Variants in PIK3R1 observed in about 807,000 individuals in gnomAD.
PIK3R1 encodes phosphatidylinositol 3-kinase regulatory subunit alpha.
A neutral mutation model predicts 98.0 loss-of-function variants in PIK3R1; 29 were observed. The ratio of observed to expected loss-of-function variants is 0.30; its 90% CI spans 0.22 to 0.40. The LOEUF is 0.40. Ranked by LOEUF, PIK3R1 falls within the 10% of genes least tolerant of loss-of-function variation. PIK3R1 has a pLI of 1.00. For synonymous variants in PIK3R1, 282 were observed against 311.8 expected (o/e 0.90, Z 1.01); for missense variants, 596 against 872.7 (o/e 0.68, Z 3.99).
chr5:68,240,539 A>G (rs753672736), intron 2 of PIK3R1, among the ~76,000 whole-genome samples: 4 of 152,224 alleles, frequency 2.6e-5, no homozygotes, highest in Admixed American at 6.5e-5. Flanking sequence ...TTGGCCCTCA[A>G]TAAGGAAAAC....
intron 2 of PIK3R1, among the ~76,000 whole-genome samples, chr5:68,249,807 T>TA (rs1370555398): frequency 6.6e-6 from 1 of 152,168 alleles, no homozygotes; most frequent in Non-Finnish European, 1.5e-5. Context: ...CTCAGTCACG[T>TA]AGCCATTTGA....
intron 2 of PIK3R1, among the ~76,000 whole-genome samples, chr5:68,270,544 A>C (rs901785541): frequency 6.6e-6 from 1 of 152,196 alleles, no homozygotes; most frequent in African/African-American, 2.4e-5. Context: ...TAATTAAAAA[A>C]ATGCCTGTGT....
intron 2 of PIK3R1, among the ~76,000 whole-genome samples, chr5:68,228,100 G>A (rs553227489): frequency 6.6e-6 from 1 of 152,310 alleles, no homozygotes; most frequent in African/African-American, 2.4e-5. Flanking sequence ...GGAATGGGAA[G>A]GAATGGTTTA....
intron 2 of PIK3R1, among the ~76,000 whole-genome samples, chr5:68,236,309 G>T (rs1173347627): frequency 6.6e-6 from 1 of 151,888 alleles, no homozygotes; most frequent in African/African-American, 2.4e-5. Context: ...GAGAGCAGTG[G>T]CACGATCTCG....
intron 7 of PIK3R1, among the ~76,000 whole-genome samples, chr5:68,282,440 G>A (rs1178503591): frequency 2.6e-5 from 4 of 152,074 alleles, no homozygotes; most frequent in East Asian, 3.8e-4. Flanking sequence ...TCTTTTCAGT[G>A]GCCACTCCTC....
chr5:68,270,823 A>G (rs1746324368), intron 2 of PIK3R1, among the ~76,000 whole-genome samples: 1 of 152,164 alleles, frequency 6.6e-6, no homozygotes, highest in African/African-American at 2.4e-5. Flanking sequence ...GTGAGAGAGG[A>G]TACTTTTGTG....
At chr5:68,217,329 G>A (rs946260588) in intron 1 of PIK3R1, 2 of 152,196 alleles carry the variant, frequency 1.3e-5, no homozygotes, top group East Asian at 3.9e-4. Flanking sequence ...TATTAGCTAG[G>A]AAGGGTTGGA....
intron 7 of PIK3R1, among the ~76,000 whole-genome samples, chr5:68,286,407 A>G (rs1038629514): frequency 6.6e-5 from 10 of 152,232 alleles, no homozygotes; most frequent in Admixed American, 5.9e-4. Context: ...TAATACAATT[A>G]TGTACATTAG....
chr5:68,296,104 A>G, intron 14 of PIK3R1, 67 bp from the exon 15 acceptor site: 1 of 1,503,686 alleles, frequency 6.7e-7, no homozygotes, highest in Non-Finnish European at 9.2e-7. Flanking sequence ...ATGCCTAGGG[A>G]AGACAGCAAG....
intron 2 of PIK3R1, among the ~76,000 whole-genome samples, chr5:68,233,904 C>T (rs1408152368): frequency 2.0e-5 from 3 of 152,016 alleles, no homozygotes; most frequent in Non-Finnish European, 4.4e-5. Context: ...GAGGTGTTTG[C>T]GATGTATTTG....
intron 1 of PIK3R1, among the ~76,000 whole-genome samples, chr5:68,218,601 GA>G (rs1020415653): frequency 5.3e-5 from 8 of 151,922 alleles, no homozygotes; most frequent in Non-Finnish European, 7.4e-5. Flanking sequence ...TGAGCAGGCT[GA>G]AAAAAAATTG....
At chr5:68,224,120 A>T (rs772980907) in intron 1 of PIK3R1, among the ~76,000 whole-genome samples, 3 of 152,172 alleles carry the variant, frequency 2.0e-5, no homozygotes, top group Non-Finnish European at 4.4e-5. Flanking sequence ...GATTTGGAGG[A>T]ATTAAATTAT....
intron 7 of PIK3R1, among the ~76,000 whole-genome samples, chr5:68,284,056 C>T (rs1269783289): frequency 6.6e-6 from 1 of 152,212 alleles, no homozygotes; most frequent in Non-Finnish European, 1.5e-5. Context: ...TCAAATAGAT[C>T]TGGATTGGAA....
chr5:68,273,131 G>A (rs1282310686), intron 2 of PIK3R1, among the ~76,000 whole-genome samples: 1 of 152,118 alleles, frequency 6.6e-6, no homozygotes, highest in Non-Finnish European at 1.5e-5. Context: ...TAGACAGGGG[G>A]GTTTGTCCTG....
At chr5:68,279,961 A>G (rs974412425) in intron 5 of PIK3R1, among the ~76,000 whole-genome samples, 7 of 152,220 alleles carry the variant, frequency 4.6e-5, no homozygotes, top group Admixed American at 2.0e-4. Flanking sequence ...GAAATGGCTC[A>G]TTGTTAACCT....
chr5:68,288,749 A>G (rs1554050465), intron 7 of PIK3R1: 3 of 1,613,738 alleles, frequency 1.9e-6, no homozygotes, highest in Admixed American at 3.3e-5. Flanking sequence ...CATAACCTGC[A>G]AAGTAAGTTG....
intron 2 of PIK3R1, among the ~76,000 whole-genome samples, chr5:68,237,271 G>A (rs1194400291): frequency 6.6e-6 from 1 of 152,206 alleles, no homozygotes; most frequent in African/African-American, 2.4e-5. Context: ...CTGAAGTCTT[G>A]TACCTGAATT....
intron 2 of PIK3R1, among the ~76,000 whole-genome samples, chr5:68,253,959 GT>G (rs1389709871): frequency 1.4e-5 from 2 of 142,820 alleles, no homozygotes; most frequent in African/African-American, 5.2e-5. Flanking sequence ...TAAATGTCAT[GT>G]TTTTTATTTT....
At chr5:68,223,757 C>T (rs1473997630) in intron 1 of PIK3R1, among the ~76,000 whole-genome samples, 1 of 152,194 alleles carries the variant, frequency 6.6e-6, no homozygotes, top group African/African-American at 2.4e-5. Context: ...TTTCCCTTTG[C>T]ACAAATTTAG....
Sources: allele counts gnomAD v4.1 joint callset (sites outside exome capture counted in the v4.1 genomes callset), GRCh38; gene constraint gnomAD v4.1.1; transcripts MANE v1.5; gene names NCBI Gene and HGNC (gene_info 2026-07-23, HGNC 2026-07-21).